The following CHD9 variants were observed in gnomAD, a reference collection of about 807,000 sequenced individuals.
CHD9 encodes chromodomain helicase DNA binding protein 9.
Under a neutral mutation model 316.1 loss-of-function variants are expected in CHD9, and 77 were observed. The observed-to-expected ratio is 0.24, with a 90% confidence interval of 0.20 to 0.29. The LOEUF is 0.29. Among genes scored for constraint, CHD9 ranks in the 10% least tolerant of loss-of-function variants. CHD9 has a pLI of 1.00. For synonymous variants in CHD9, 1,129 were observed against 1,158.3 expected, an observed-to-expected ratio of 0.97 and a Z score of 0.51; for missense variants, 2,763 against 3,438.1, an observed-to-expected ratio of 0.80 and a Z score of 4.91.
intron 27 of CHD9, among the ~76,000 whole-genome samples, chr16:53,289,746 G>A (rs2054175645): frequency 6.6e-6 from 1 of 152,198 alleles, no homozygotes; most frequent in South Asian, 2.1e-4. Context: ...CCAAGGAAGA[G>A]TCCCATCCCT....
At chr16:53,163,366 A>G (rs531187275) in intron 2 of CHD9, among the ~76,000 whole-genome samples, 2 of 152,084 alleles carry the variant, frequency 1.3e-5, no homozygotes, top group East Asian at 1.9e-4. Flanking sequence ...ATGCGCCACC[A>G]CGCCCGGCTA....
intron 11 of CHD9, among the ~76,000 whole-genome samples, chr16:53,237,091 T>C (rs1232152062): frequency 6.6e-6 from 1 of 152,100 alleles, no homozygotes; most frequent in African/African-American, 2.4e-5. Context: ...GATTAAAAAT[T>C]AATATTATTT....
At chr16:53,236,486 A>G (rs888436161) in intron 11 of CHD9, among the ~76,000 whole-genome samples, 2 of 151,770 alleles carry the variant, frequency 1.3e-5, no homozygotes, top group African/African-American at 4.8e-5. Flanking sequence ...CTTCTCTTTT[A>G]TATCTCCAGG....
At chr16:53,272,262 C>A in intron 22 of CHD9, among the ~76,000 whole-genome samples, 1 of 151,340 alleles carries the variant, frequency 6.6e-6, no homozygotes, top group Non-Finnish European at 1.5e-5. Context: ...AGGGACACTA[C>A]CTAATAATTA....
intron 1 of CHD9, among the ~76,000 whole-genome samples, chr16:53,149,590 TC>T (rs1567379046): frequency 6.7e-6 from 1 of 149,674 alleles, no homozygotes; most frequent in Non-Finnish European, 1.5e-5. Context: ...TTTTTTTTTT[TC>T]AGGCTAAAGT....
chr16:53,321,429 A>G lies in CHD9; in HGVS notation c.7714-97A>G. 4 of 1,402,050 alleles carry G rather than the reference A, an allele frequency of 2.9e-6. No individual in the cohort carries two copies. The South Asian group carries it at 7.0e-5, about 25-fold the overall frequency. 86.9% of individuals were successfully genotyped at this position (1,402,050 alleles called of 1,614,324 possible). A position where few individuals can be genotyped will look rare whatever the true frequency, so the allele number is the denominator to read the frequency against. The stretch of plus-strand genomic sequence containing the variant: ...ACCTAAGGTGGTTCAAAAAATATGT[A>G]TTTTAAGGAAATAAACTCTGTAGAG... On this transcript the variant is annotated intron_variant, in intron 37 of 38. Transcript: ENST00000447540.
intron 1 of CHD9, among the ~76,000 whole-genome samples, chr16:53,088,109 T>C (rs181044761): frequency 3.3e-5 from 5 of 152,184 alleles, no homozygotes; most frequent in Middle Eastern, 3.4e-3. Context: ...ATTCTGTCTT[T>C]TAACTTTAGT....
At chr16:53,254,307 A>G (rs2050387267) in intron 17 of CHD9, 131 bp from the exon 18 acceptor site, 1 of 525,816 alleles carries the variant, frequency 1.9e-6, no homozygotes, top group Admixed American at 3.9e-5. Flanking sequence ...CTTAATTTCT[A>G]GAAAAAGGTT....
chr16:53,100,976 A>G (rs1221805540), intron 1 of CHD9, among the ~76,000 whole-genome samples: 1 of 152,186 alleles, frequency 6.6e-6, no homozygotes, highest in Non-Finnish European at 1.5e-5. Context: ...CTAGATGGCT[A>G]TGTCACTGCC....
intron 19 of CHD9, among the ~76,000 whole-genome samples, chr16:53,258,112 T>C (rs975377265): frequency 6.6e-6 from 1 of 152,176 alleles, no homozygotes; most frequent in Admixed American, 6.5e-5. Flanking sequence ...AACATGTTAA[T>C]GATAATGATC....
At chr16:53,205,550 T>C (rs2045830107) in intron 2 of CHD9, among the ~76,000 whole-genome samples, 1 of 152,240 alleles carries the variant, frequency 6.6e-6, no homozygotes, top group African/African-American at 2.4e-5. Context: ...ACATTAAAAA[T>C]GTTCAGTTAC....
At position 53,245,888 on chromosome 16, in the gene CHD9, G is replaced by T. The variant is rs1398592646; in HGVS notation, c.3454+38G>T. On this transcript the variant is annotated intron_variant, in intron 15 of 38. Coordinates refer to ENST00000447540, the MANE Select transcript of CHD9 (RefSeq NM_001308319.2). The surrounding 1 kb of genome is among the most constrained non-coding windows in gnomAD (Gnocchi z 4.1). ...GATTACAACAAATATGTTTTTTCTT[G>T]CAACAAATACTAATGAATAAATAAA... 2 of 1,372,292 alleles carry T rather than the reference G, an allele frequency of 1.5e-6. No individual in the cohort carries two copies. The highest frequency in any genetic ancestry group is 2.9e-5 in the African/African-American group (2 of 68,264). The allele number at this position is 1,372,292 out of a possible 1,614,324, so 85.0% of individuals were successfully genotyped here.
chr16:53,208,212 C>G, intron 2 of CHD9: 1 of 1,157,834 alleles, frequency 8.6e-7, no homozygotes, highest in South Asian at 1.7e-5. Flanking sequence ...CTCTTGGTTG[C>G]AGCTTGCTAA....
intron 29 of CHD9, among the ~76,000 whole-genome samples, chr16:53,295,002 C>T (rs976826125): frequency 2.6e-5 from 4 of 152,136 alleles, no homozygotes; most frequent in African/African-American, 9.7e-5. Flanking sequence ...AGCCAGAGTG[C>T]CCTACTTATT....
chr16:53,075,593 A>T lies in CHD9; in HGVS notation c.-165+20516A>T, dbSNP rs143028399. Among the ~76,000 whole-genome samples, 655 of 151,810 alleles carry T rather than the reference A, an allele frequency of 4.3e-3. 3 individuals are homozygous for T. Among genetic ancestry groups the T allele is most frequent in the African/African-American group, 0.015 (610 of 41,392 alleles). Reference sequence around the variant, plus strand: ...CTTGGTAGTGAATAAGTCTCACGAGATCTGATGGTTTTATTCCGGGGGTGG... The same window carrying T: ...CTTGGTAGTGAATAAGTCTCACGAGTTCTGATGGTTTTATTCCGGGGGTGG... On this transcript the variant is annotated intron_variant, in intron 1 of 38. Transcript: ENST00000447540.
chr16:53,227,114 A>T (rs548833930), intron 5 of CHD9: 8 of 244,136 alleles, frequency 3.3e-5, no homozygotes, highest in Non-Finnish European at 6.3e-5. Flanking sequence ...AATGATAATA[A>T]TGAAGATAAT....
At chr16:53,243,198 A>G (rs1242120563) in intron 13 of CHD9, among the ~76,000 whole-genome samples, 182 bp downstream of exon 13, 3 of 152,112 alleles carry the variant, frequency 2.0e-5, no homozygotes, top group Non-Finnish European at 2.9e-5. Flanking sequence ...TCTGTTTCCT[A>G]CGACTTCAAA....
intron 11 of CHD9, among the ~76,000 whole-genome samples, chr16:53,237,507 A>G (rs1210526332): frequency 6.6e-6 from 1 of 152,110 alleles, no homozygotes; most frequent in African/African-American, 2.4e-5. Flanking sequence ...ACTTACCTCA[A>G]TAATCTCTCT....
chr16:53,159,529 A>G (rs2041762956), intron 2 of CHD9, among the ~76,000 whole-genome samples: 1 of 152,156 alleles, frequency 6.6e-6, no homozygotes, highest in Non-Finnish European at 1.5e-5. Context: ...ATATTTAGGG[A>G]TCCATTTTTC....
Sources: gnomAD v4.1 joint callset for allele counts (sites outside exome capture counted in the v4.1 genomes callset) on GRCh38, gnomAD v4.1.1 for gene constraint, Gnocchi (gnomAD v3.1) non-coding constraint, MANE v1.5 for transcripts, NCBI Gene and HGNC (gene_info 2026-07-23, HGNC 2026-07-21) for gene names.